The following FBXL17 variants were observed in gnomAD, a reference collection of about 807,000 sequenced individuals.
FBXL17 encodes F-box and leucine rich repeat protein 17.
In FBXL17, 22 loss-of-function variants were observed where a neutral mutation model predicts 66.2. The ratio of observed to expected loss-of-function variants is 0.33; its 90% CI spans 0.24 to 0.47. The LOEUF is 0.47. Ranked by LOEUF, FBXL17 falls within the 20% of genes least tolerant of loss-of-function variation. The pLI is 1.00. For synonymous variants in FBXL17, 474 were observed against 400.5 expected (o/e 1.18, Z -2.19); for missense variants, 878 against 948.2 (o/e 0.93, Z 0.97).
chr5:107,892,176 T>G (rs191966260), intron 7 of FBXL17, among the ~76,000 whole-genome samples: 1 of 152,172 alleles, frequency 6.6e-6, no homozygotes, highest in Non-Finnish European at 1.5e-5. Context: ...CTCTACTGAA[T>G]GTGTATTGCT....
intron 6 of FBXL17, among the ~76,000 whole-genome samples, chr5:108,092,028 T>G (rs1329038901): frequency 6.6e-6 from 1 of 152,248 alleles, no homozygotes; most frequent in Non-Finnish European, 1.5e-5. Flanking sequence ...GTTTATTTTC[T>G]GGCATTAGCT....
chr5:108,256,410 T>C (rs1756579890), intron 4 of FBXL17, among the ~76,000 whole-genome samples: 2 of 152,152 alleles, frequency 1.3e-5, no homozygotes, highest in Admixed American at 1.3e-4. Flanking sequence ...GCTTGAATTA[T>C]CAAGTAACTC....
At chr5:108,373,689 G>T (rs1580919321) in intron 1 of FBXL17, among the ~76,000 whole-genome samples, 3 of 152,146 alleles carry the variant, frequency 2.0e-5, no homozygotes, top group East Asian at 3.8e-4. Context: ...GCTGTGTTGA[G>T]TGGATCACTT....
chr5:108,037,567 C>T (rs1324210093), intron 6 of FBXL17, among the ~76,000 whole-genome samples: 2 of 152,076 alleles, frequency 1.3e-5, no homozygotes, highest in Non-Finnish European at 2.9e-5. Flanking sequence ...TAGTTTAATT[C>T]AGAAGTGGCA....
intron 5 of FBXL17, among the ~76,000 whole-genome samples, chr5:108,196,259 A>G (rs925303252): frequency 6.6e-6 from 1 of 152,070 alleles, no homozygotes; most frequent in African/African-American, 2.4e-5. Context: ...TTATAGCAAT[A>G]GTGTCCCCCA....
In FBXL17 at chr5:108,093,839, G is replaced by A. The variant is rs143675655; in HGVS notation, c.1746-72838C>T. ...ATTTATTTCAAGATGTAATGTAAATGTATGATAATGTACAAAGAAACAGTG... is the reference window on the plus strand; with the variant it reads ...ATTTATTTCAAGATGTAATGTAAATATATGATAATGTACAAAGAAACAGTG... On this transcript the variant is annotated intron_variant, in intron 6 of 8. Coordinates refer to ENST00000542267, the MANE Select transcript of FBXL17 (RefSeq NM_001163315.3). Among the ~76,000 whole-genome samples the A allele has an allele frequency of 9.9e-5, 15 of 152,242 alleles. No individual in the cohort carries two copies. In the East Asian group the frequency reaches 2.7e-3, roughly 27 times the overall value.
chr5:108,266,765 C>G (rs1441411598), intron 4 of FBXL17, among the ~76,000 whole-genome samples: 1 of 151,966 alleles, frequency 6.6e-6, no homozygotes, highest in Non-Finnish European at 1.5e-5. Flanking sequence ...CTCAAAACAG[C>G]AAAATTTGTG....
At chr5:107,910,644 C>T (rs2112546336) in intron 7 of FBXL17, among the ~76,000 whole-genome samples, 1 of 152,002 alleles carries the variant, frequency 6.6e-6, no homozygotes. Flanking sequence ...TAATTGCTTA[C>T]CTAAAAAAGT....
rs926376449 is a variant in FBXL17 at position 108,135,520 on chromosome 5, T to C, written c.1745+50597A>G. 2.6e-4 allele frequency among the ~76,000 whole-genome samples: 40 copies of C among 152,158 alleles called. 1 individual carries two copies. Among genetic ancestry groups the C allele is most frequent in the Admixed American group, 9.2e-4 (14 of 15,260 alleles). On this transcript the variant is annotated intron_variant, in intron 6 of 8. Transcript: ENST00000542267. ...CCACTAACATCTTAAAGTACACTTA[T>C]CTGTAGTGAAGTGAACAAATCTAGA...
intron 4 of FBXL17, among the ~76,000 whole-genome samples, chr5:108,326,717 A>T (rs1759873946): frequency 6.6e-6 from 1 of 152,190 alleles, no homozygotes; most frequent in African/African-American, 2.4e-5. Context: ...GGGCTAACCA[A>T]ATAAGGTACC....
intron 7 of FBXL17, among the ~76,000 whole-genome samples, chr5:107,958,822 G>T (rs144182001): frequency 1.3e-5 from 2 of 152,072 alleles, no homozygotes; most frequent in African/African-American, 2.4e-5. Context: ...AATTACATTC[G>T]AAATTAAATG....
intron 7 of FBXL17, among the ~76,000 whole-genome samples, chr5:107,930,305 C>T (rs1750687206): frequency 6.6e-6 from 1 of 152,288 alleles, no homozygotes; most frequent in South Asian, 2.1e-4. Context: ...CAAACTCTCT[C>T]CCCTCTGCCA....
chr5:108,108,982 C>T (rs1749924695), intron 6 of FBXL17, among the ~76,000 whole-genome samples: 1 of 151,992 alleles, frequency 6.6e-6, no homozygotes, highest in South Asian at 2.1e-4. Flanking sequence ...TGGGGTTCTC[C>T]ATGTTGGTCA....
chr5:108,354,378 TG>T, intron 3 of FBXL17, among the ~76,000 whole-genome samples: 1 of 151,956 alleles, frequency 6.6e-6, no homozygotes, highest in South Asian at 2.1e-4. Context: ...CATTAGTAGA[TG>T]GGACATGGTT....
At chr5:108,049,116 C>T (rs1365922172) in intron 6 of FBXL17, among the ~76,000 whole-genome samples, 1 of 151,982 alleles carries the variant, frequency 6.6e-6, no homozygotes, top group Admixed American at 6.6e-5. Flanking sequence ...AGAAACCCTA[C>T]AAGCCAGAAG....
intron 7 of FBXL17, among the ~76,000 whole-genome samples, chr5:108,016,510 CA>C (rs1424548746): frequency 6.6e-6 from 1 of 152,028 alleles, no homozygotes; most frequent in African/African-American, 2.4e-5. Flanking sequence ...AAGAATGTGA[CA>C]ACTCAGAAAG....
intron 7 of FBXL17, among the ~76,000 whole-genome samples, chr5:108,016,504 A>G (rs1044404075): frequency 6.6e-6 from 1 of 152,210 alleles, no homozygotes. Flanking sequence ...TGAAAAAAGA[A>G]TGTGACAACT....
chr5:108,033,063 TAA>T, intron 6 of FBXL17, among the ~76,000 whole-genome samples: 1 of 152,178 alleles, frequency 6.6e-6, no homozygotes, highest in Non-Finnish European at 1.5e-5. Context: ...TTTTTTAGAA[TAA>T]AGACTCATTT....
At chr5:108,016,603 G>C (rs757181130) in intron 7 of FBXL17, among the ~76,000 whole-genome samples, 30 of 152,080 alleles carry the variant, frequency 2.0e-4, no homozygotes, top group Admixed American at 1.8e-3. Context: ...ATGGAGATAA[G>C]CGCTTTATTC....
Sources: gnomAD v4.1 joint callset for allele counts (sites outside exome capture counted in the v4.1 genomes callset) on GRCh38, gnomAD v4.1.1 for gene constraint, MANE v1.5 for transcripts, NCBI Gene and HGNC (gene_info 2026-07-23, HGNC 2026-07-21) for gene names.